Variants in NTM observed in about 807,000 individuals in gnomAD.
NTM encodes the protein neurotrimin.
Under a neutral mutation model 42.1 loss-of-function variants are expected in NTM, and 13 were observed. The ratio of observed to expected loss-of-function variants is 0.31; its 90% CI spans 0.20 to 0.49. The LOEUF (loss-of-function observed/expected upper bound fraction) is 0.49, where lower values mean the gene tolerates loss of function less well. Among genes scored for constraint, NTM ranks in the 20% least tolerant of loss-of-function variants. NTM has a pLI of 0.99. For missense variants in NTM, 373 were observed against 452.8 expected (o/e 0.82, Z 1.60); for synonymous variants, 187 against 179.2 (o/e 1.04, Z -0.35).
intron 3 of NTM, among the ~76,000 whole-genome samples, chr11:132,184,848 T>C (rs1338288319): frequency 3.3e-5 from 5 of 152,202 alleles, no homozygotes; most frequent in Admixed American, 3.3e-4. Context: ...ACCATGTCAT[T>C]GTGAACCTAT....
intron 1 of NTM, among the ~76,000 whole-genome samples, chr11:131,758,950 C>T (rs1177677325): frequency 6.6e-6 from 1 of 152,170 alleles, no homozygotes; most frequent in African/African-American, 2.4e-5. Flanking sequence ...GAAGCCGTGA[C>T]TCTTTGAACA....
In NTM at chr11:132,295,632, A is replaced by C. The variant is rs537134000; in HGVS notation, c.527-12057A>C. Among the ~76,000 whole-genome samples, 5 of 152,310 alleles carry C rather than the reference A, an allele frequency of 3.3e-5. No homozygotes were observed. The East Asian group carries it at 7.7e-4, about 24-fold the overall frequency. Reference sequence around the variant, plus strand: ...GACATTTGAAGGTGGACAAAAGAGAAGACAAACAGGCACAGATCAATACAA... The same window carrying C: ...GACATTTGAAGGTGGACAAAAGAGACGACAAACAGGCACAGATCAATACAA... On this transcript the variant is annotated intron_variant, in intron 4 of 8. Coordinates refer to ENST00000683400, the MANE Select transcript of NTM (RefSeq NM_001352005.2).
intron 3 of NTM, among the ~76,000 whole-genome samples, chr11:132,157,669 G>T (rs985390847): frequency 1.4e-5 from 2 of 139,450 alleles, no homozygotes; most frequent in Admixed American, 1.4e-4. Context: ...CCTCGTATTT[G>T]TGTTTTTTCT....
intron 1 of NTM, among the ~76,000 whole-genome samples, chr11:131,768,403 C>T (rs1353413902): frequency 6.6e-6 from 1 of 152,140 alleles, no homozygotes; most frequent in Non-Finnish European, 1.5e-5. Flanking sequence ...CAGGCGTGAG[C>T]CACTGTGCTT....
intron 1 of NTM, among the ~76,000 whole-genome samples, chr11:131,813,568 G>C (rs1432636103): frequency 6.6e-6 from 1 of 152,162 alleles, no homozygotes; most frequent in African/African-American, 2.4e-5. Flanking sequence ...TTAAAGAATG[G>C]TTAAGACTTT....
intron 1 of NTM, among the ~76,000 whole-genome samples, chr11:131,691,749 C>A (rs2074778042): frequency 6.6e-6 from 1 of 152,152 alleles, no homozygotes; most frequent in Non-Finnish European, 1.5e-5. Flanking sequence ...CTGAGCGGAG[C>A]GGGGCTGGGC....
chr11:131,800,325 C>A (rs1431210856), intron 1 of NTM, among the ~76,000 whole-genome samples: 1 of 152,180 alleles, frequency 6.6e-6, no homozygotes, highest in Admixed American at 6.5e-5. Context: ...GGTTTTACTT[C>A]CATTTTGCCC....
chr11:132,238,854 G>A (rs1169945341), intron 4 of NTM, among the ~76,000 whole-genome samples: 1 of 152,154 alleles, frequency 6.6e-6, no homozygotes, highest in Non-Finnish European at 1.5e-5. Flanking sequence ...TCTCTAAGTG[G>A]CTCCCAGGGG....
intron 1 of NTM, chr11:131,660,918 T>C: frequency 7.7e-7 from 1 of 1,297,454 alleles, no homozygotes; most frequent in Non-Finnish European, 1.0e-6. Context: ...CTCTTCTGTC[T>C]CTTTTTATAG....
chr11:132,056,735 T>G (rs2079737690), intron 2 of NTM, among the ~76,000 whole-genome samples: 1 of 152,240 alleles, frequency 6.6e-6, no homozygotes, highest in South Asian at 2.1e-4. Flanking sequence ...CTCTGTCATT[T>G]CTTCATTTAG....
intron 1 of NTM, among the ~76,000 whole-genome samples, chr11:131,529,664 T>C (rs2050970215): frequency 6.6e-6 from 1 of 152,144 alleles, no homozygotes; most frequent in Non-Finnish European, 1.5e-5. Context: ...TGGATATTTA[T>C]ACAAGAAAGA....
At chr11:131,917,777 G>C (rs2056627790) in intron 2 of NTM, among the ~76,000 whole-genome samples, 2 of 152,222 alleles carry the variant, frequency 1.3e-5, no homozygotes, top group Non-Finnish European at 1.5e-5. Context: ...TCACCTCTGG[G>C]CTTGCCAGGC....
Position 132,045,072 on chromosome 11 carries a change from C to A in NTM, c.168-101210C>A, listed in dbSNP as rs531264219. The stretch of plus-strand genomic sequence containing the variant: ...ATACCAAAATCTGGTAGAGATACAA[C>A]AAAAAAAGAAAATGTCAGGCCAATA... On this transcript the variant is annotated intron_variant, in intron 2 of 8. Coordinates refer to ENST00000683400, the MANE Select transcript of NTM (RefSeq NM_001352005.2). 4.6e-5 allele frequency among the ~76,000 whole-genome samples: 7 copies of A among 152,152 alleles called. No homozygotes were observed. In the East Asian group the frequency reaches 1.4e-3, roughly 29 times the overall value.
intron 2 of NTM, among the ~76,000 whole-genome samples, chr11:131,924,878 C>T (rs1353581436): frequency 1.3e-5 from 2 of 152,246 alleles, no homozygotes; most frequent in East Asian, 1.9e-4. Context: ...ATTTCAGCTG[C>T]ATAGAAATAT....
intron 1 of NTM, among the ~76,000 whole-genome samples, chr11:131,512,865 C>G (rs1030068124): frequency 1.3e-5 from 2 of 152,150 alleles, no homozygotes; most frequent in Non-Finnish European, 2.9e-5. Context: ...CCACCCTCTC[C>G]CTGTCTTGAC....
chr11:131,478,343 A>G (rs916794592), intron 1 of NTM, among the ~76,000 whole-genome samples: 8 of 152,202 alleles, frequency 5.3e-5, no homozygotes, highest in Admixed American at 2.0e-4. Context: ...GGCACACATC[A>G]GGAATTAACT....
chr11:131,538,499 T>G (rs975383226), intron 1 of NTM: 1 of 152,270 alleles, frequency 6.6e-6, no homozygotes, highest in African/African-American at 2.4e-5. Context: ...ATCCACTACC[T>G]GCTTTAATCC....
intron 2 of NTM, among the ~76,000 whole-genome samples, chr11:132,093,259 C>G (rs1183811462): frequency 6.6e-6 from 1 of 152,200 alleles, no homozygotes; most frequent in Non-Finnish European, 1.5e-5. Flanking sequence ...TCCTGTTTCT[C>G]TCCATGTTCT....
At chr11:131,578,512 C>T (rs2058124426) in intron 1 of NTM, among the ~76,000 whole-genome samples, 1 of 152,118 alleles carries the variant, frequency 6.6e-6, no homozygotes, top group Non-Finnish European at 1.5e-5. Flanking sequence ...CCAGTGAGAA[C>T]AGAGACAGGG....
Sources: allele counts gnomAD v4.1 joint callset (sites outside exome capture counted in the v4.1 genomes callset), GRCh38; gene constraint gnomAD v4.1.1; transcripts MANE v1.5; gene names NCBI Gene and HGNC (gene_info 2026-07-23, HGNC 2026-07-21).